Variants in C8orf34 observed in about 807,000 individuals in gnomAD.
C8orf34 encodes uncharacterized protein C8orf34.
In C8orf34, 65 loss-of-function variants were observed where a neutral mutation model predicts 68.3. The observed-to-expected ratio is 0.95, with a 90% CI of 0.78 to 1.17. The LOEUF is 1.17. Ranked by LOEUF, C8orf34 falls within the 50% of genes most tolerant of loss-of-function variation. The pLI is 0.00. For synonymous variants in C8orf34, 244 were observed against 241.2 expected (o/e 1.01, Z -0.11); for missense variants, 664 against 655.4 (o/e 1.01, Z -0.14).
At chr8:68,779,985 G>A (rs1296676502) in intron 11 of C8orf34, among the ~76,000 whole-genome samples, 1 of 152,012 alleles carries the variant, frequency 6.6e-6, no homozygotes, top group Non-Finnish European at 1.5e-5. Context: ...TTATTTAACT[G>A]ATAAATTAAT....
intron 5 of C8orf34, among the ~76,000 whole-genome samples, chr8:68,520,864 T>C (rs1814724755): frequency 6.6e-6 from 1 of 152,212 alleles, no homozygotes; most frequent in African/African-American, 2.4e-5. Context: ...TGAAGAGGCA[T>C]TAAAAATATA....
intron 7 of C8orf34, among the ~76,000 whole-genome samples, chr8:68,621,859 A>G (rs1818398147): frequency 1.3e-5 from 2 of 152,212 alleles, no homozygotes; most frequent in Admixed American, 6.5e-5. Flanking sequence ...ATAGCTGTGT[A>G]ATAAATGATC....
rs1243020702 is a variant in C8orf34, at chr8:68,505,673, G to A, written c.766-16126G>A. Among the ~76,000 whole-genome samples, 6 of 97,264 alleles carry A rather than the reference G, an allele frequency of 6.2e-5. 1 individual carries two copies. Among genetic ancestry groups the A allele is most frequent in the Admixed American group, 1.8e-4 (2 of 11,180 alleles). 63.8% of individuals were successfully genotyped at this position (97,264 alleles called of 152,430 possible). On this transcript the variant is annotated intron_variant, in intron 5 of 13. Coordinates refer to ENST00000518698, the MANE Select transcript of C8orf34 (RefSeq NM_052958.4). ...GTGAACCCGGGAAGCGGAGCTTGCC[G>A]TGAGCCGAGATTGCGCCACTGCAGT...
At chr8:68,468,908 A>G (rs1210284556) in intron 4 of C8orf34, 88 bp downstream of exon 4, 1 of 1,394,362 alleles carries the variant, frequency 7.2e-7, no homozygotes, top group Non-Finnish European at 9.8e-7. Context: ...CCCATTTCTA[A>G]CATCCTCATT....
intron 7 of C8orf34, among the ~76,000 whole-genome samples, chr8:68,619,796 A>G (rs1485822292): frequency 6.6e-6 from 1 of 152,192 alleles, no homozygotes; most frequent in African/African-American, 2.4e-5. Context: ...AATCATAGTC[A>G]CAATTTAGCA....
intron 7 of C8orf34, among the ~76,000 whole-genome samples, chr8:68,592,459 G>A (rs1267522846): frequency 1.3e-5 from 2 of 151,760 alleles, no homozygotes; most frequent in Admixed American, 1.3e-4. Context: ...TAGAGGGATG[G>A]TTTTGAGTTT....
chr8:68,751,416 T>A (rs1175871778), intron 10 of C8orf34, among the ~76,000 whole-genome samples: 3 of 152,208 alleles, frequency 2.0e-5, no homozygotes, highest in Admixed American at 2.0e-4. Context: ...TTGTTATTTT[T>A]AAATTACTTT....
chr8:68,769,874 C>A (rs1216019902), intron 10 of C8orf34, among the ~76,000 whole-genome samples: 1 of 152,132 alleles, frequency 6.6e-6, no homozygotes, highest in Non-Finnish European at 1.5e-5. Flanking sequence ...TAGAAAGTAA[C>A]CAGTGAGCGC....
At chr8:68,407,879 A>G (rs1809266596) in intron 1 of C8orf34, among the ~76,000 whole-genome samples, 1 of 151,866 alleles carries the variant, frequency 6.6e-6, no homozygotes, top group South Asian at 2.1e-4. Flanking sequence ...TGGATTACTT[A>G]TTTTCCTAAG....
At chr8:68,615,523 C>G (rs999924885) in intron 7 of C8orf34, among the ~76,000 whole-genome samples, 7 of 152,110 alleles carry the variant, frequency 4.6e-5, no homozygotes, top group Admixed American at 4.6e-4. Context: ...TTGTCAAAGG[C>G]CTTTTCTGCA....
chr8:68,615,732 G>C (rs1402832202), intron 7 of C8orf34, among the ~76,000 whole-genome samples: 3 of 152,284 alleles, frequency 2.0e-5, no homozygotes, highest in Non-Finnish European at 4.4e-5. Flanking sequence ...ATTCATCAAG[G>C]ATATTGGTCT....
chr8:68,473,190 A>C (rs1215432733), intron 4 of C8orf34, among the ~76,000 whole-genome samples: 1 of 152,084 alleles, frequency 6.6e-6, no homozygotes, highest in Non-Finnish European at 1.5e-5. Flanking sequence ...AAGAAAGAAA[A>C]AGGAGAACAG....
chr8:68,678,859 GAAAA>G (rs35973682), intron 8 of C8orf34, among the ~76,000 whole-genome samples: 1 of 116,960 alleles, frequency 8.5e-6, no homozygotes. Flanking sequence ...GACCACAACT[GAAAA>G]AAAAAAAAAA....
intron 8 of C8orf34, among the ~76,000 whole-genome samples, chr8:68,648,703 A>G (rs1819253573): frequency 6.6e-6 from 1 of 152,260 alleles, no homozygotes. Flanking sequence ...ATACTGGCTC[A>G]GAAACTACAG....
chr8:68,745,163 C>A (rs942760837), intron 10 of C8orf34, among the ~76,000 whole-genome samples: 11 of 151,998 alleles, frequency 7.2e-5, no homozygotes, highest in African/African-American at 2.7e-4. Context: ...GAAATAAAAT[C>A]TTTTCCAGAC....
intron 3 of C8orf34, among the ~76,000 whole-genome samples, chr8:68,460,790 T>C (rs1481875941): frequency 3.3e-5 from 5 of 152,138 alleles, no homozygotes; most frequent in Admixed American, 3.3e-4. Context: ...AAAACCCATC[T>C]GTACATCACC....
chr8:68,611,860 C>T (rs1818033905), intron 7 of C8orf34, among the ~76,000 whole-genome samples: 1 of 152,072 alleles, frequency 6.6e-6, no homozygotes, highest in African/African-American at 2.4e-5. Context: ...GCAGTGGCCC[C>T]CAAGAGGGAA....
intron 7 of C8orf34, among the ~76,000 whole-genome samples, chr8:68,586,241 C>T (rs911249814): frequency 1.3e-5 from 2 of 152,116 alleles, no homozygotes; most frequent in Admixed American, 6.6e-5. Context: ...CATCTTCCAT[C>T]ATCAATATTT....
At chr8:68,622,527 G>A (rs1278107720) in intron 7 of C8orf34, among the ~76,000 whole-genome samples, 1 of 152,220 alleles carries the variant, frequency 6.6e-6, no homozygotes, top group Non-Finnish European at 1.5e-5. Flanking sequence ...TTATATAGCA[G>A]TGTGGTAGGT....
Sources: gnomAD v4.1 joint callset for allele counts (sites outside exome capture counted in the v4.1 genomes callset) on GRCh38, gnomAD v4.1.1 for gene constraint, MANE v1.5 for transcripts, NCBI Gene and HGNC (gene_info 2026-07-23, HGNC 2026-07-21) for gene names.